Variants in THUMPD3 observed in about 807,000 individuals in gnomAD.
THUMPD3 encodes THUMP domain 3 tRNA guanosine methyltransferase, also known as tRNA (guanine(6)-N(2))-methyltransferase THUMP3.
THUMPD3 carries 44 observed loss-of-function variants against 54.5 expected under a neutral mutation model. That is an observed-to-expected ratio of 0.81 (90% confidence interval 0.63 to 1.04). THUMPD3 has a LOEUF of 1.04. THUMPD3 is among the 50% of genes least tolerant of loss of function. The pLI, the probability that THUMPD3 is intolerant of heterozygous loss-of-function variation, is 0.00. For missense variants in THUMPD3, 604 were observed against 601.3 expected (o/e 1.00, Z -0.05); for synonymous variants, 196 against 201.4 (o/e 0.97, Z 0.23).
chr3:9,371,489 C>G lies in THUMPD3; in HGVS notation c.760C>G (p.Gln254Glu). Residue 254 changes from glutamine (Q) to glutamate (E), a missense_variant, in exon 4 of 10, where the codon CAA (glutamine) becomes GAA (glutamate). Gln to Glu is a conservative substitution (Grantham distance 29). Transcript: ENST00000452837. ...TGCAAGAGATTTTGGGGGTGCTGTT[C>G]AAGATTATTTTAAGTGGAAGGCCGA... ...EAARDFGGAV[Q>E]DYFKWKADMT... The G allele has an allele frequency of 1.2e-6, 2 of 1,613,988 alleles. No individual in the cohort carries two copies. The highest frequency in any genetic ancestry group is 1.7e-6 in the Non-Finnish European group (2 of 1,179,984).
intron 8 of THUMPD3, 39 bp from the exon 9 acceptor site, chr3:9,384,173 C>T (rs766736760): frequency 2.0e-5 from 32 of 1,602,438 alleles, no homozygotes; most frequent in Middle Eastern, 3.4e-4. Context: ...TATTTTGTAT[C>T]TTTTGCAAGT....
In THUMPD3 at chr3:9,383,226, T is replaced by C; in HGVS notation, c.1152T>C (p.Asp384=). The part of the protein sequence containing the change: ...EGKPSWGLPI[D]AVQWDICNLP... ...AACCCTCCTGGGGCTTGCCCATAGA[T>C]GCTGTTCAGTGGGATATCTGCAATC... Residue 384 remains aspartate, a synonymous_variant, in exon 8 of 10, where the codon GAT becomes GAC. Transcript: ENST00000452837. 6.2e-7 allele frequency: 1 copy of C among 1,614,040 alleles called. No individual in the cohort carries two copies. Among genetic ancestry groups the C allele is most frequent in the Non-Finnish European group, 8.5e-7 (1 of 1,179,892 alleles).
rs368669023 is a variant in THUMPD3, at chr3:9,367,932, G to T, written c.330+947G>T. ...TATAAAAAATTAGCCGGGCGTAGTG[G>T]TGGGCGCCTGTAGTCCCAGCTACTC... On this transcript the variant is annotated intron_variant, in intron 3 of 9. Transcript: ENST00000452837. Among the ~76,000 whole-genome samples the T allele has an allele frequency of 3.7e-4, 57 of 152,134 alleles. No individual in the cohort carries two copies. In the East Asian group the frequency reaches 4.7e-3, roughly 12 times the overall value.
At chr3:9,368,360 ATTT>A (rs764732133) in intron 3 of THUMPD3, among the ~76,000 whole-genome samples, 43 of 116,908 alleles carry the variant, frequency 3.7e-4, no homozygotes, top group East Asian at 2.0e-3. Context: ...ACCCGCGCAT[ATTT>A]TTTTTTTTTT....
chr3:9,383,372 A>G (rs1315178565), intron 8 of THUMPD3, 63 bp downstream of exon 8: 2 of 1,307,274 alleles, frequency 1.5e-6, no homozygotes, highest in Non-Finnish European at 2.2e-6. Context: ...CGTTTATTCT[A>G]AGTCAGGAAA....
chr3:9,376,503 G>T (rs529001655), intron 5 of THUMPD3, among the ~76,000 whole-genome samples: 11 of 152,320 alleles, frequency 7.2e-5, no homozygotes, highest in African/African-American at 2.2e-4. Context: ...TGACCATCAG[G>T]AATGGCTTGG....
At position 9,380,600 on chromosome 3, in the gene THUMPD3, A is replaced by G; in HGVS notation, c.1106A>G (p.Lys369Arg). ...AANNIASLLT[K>R]SQIKEGKPSW... Reference sequence around the variant, plus strand: ...AATAACATTGCATCTTTATTGACCAAGAGCCAAATTAAAGAAGGGTAAAAA... The same window carrying G: ...AATAACATTGCATCTTTATTGACCAGGAGCCAAATTAAAGAAGGGTAAAAA... The change falls in exon 7 of 10, where the codon AAG (lysine) becomes AGG (arginine). Residue 369 changes from lysine (K) to arginine (R), a missense_variant. By Grantham distance (26) the Lys-to-Arg change is conservative. Transcript: ENST00000452837. The G allele has an allele frequency of 6.8e-6, 11 of 1,611,810 alleles. No homozygotes were observed. Among genetic ancestry groups the G allele is most frequent in the Non-Finnish European group, 9.3e-6 (11 of 1,178,646 alleles).
chr3:9,372,668 C>T (rs2032151102), intron 4 of THUMPD3, among the ~76,000 whole-genome samples: 1 of 152,076 alleles, frequency 6.6e-6, no homozygotes, highest in Non-Finnish European at 1.5e-5. Flanking sequence ...AGTCAGCTCT[C>T]CTCTTTCTTA....
chr3:9,383,189 G>C lies in THUMPD3; in HGVS notation c.1125-10G>C, dbSNP rs759375835. The C allele has an allele frequency of 3.1e-6, 5 of 1,602,818 alleles. No individual in the cohort carries two copies. In the South Asian group the frequency reaches 5.5e-5, roughly 18 times the overall value. On this transcript the variant is annotated splice_polypyrimidine_tract_variant and intron_variant, in intron 7 of 9. Transcript: ENST00000452837. ...CAGTATGTTGAAGCACCTTTCCTTT[G>C]TCCCCACAGCAAACCCTCCTGGGGC...
At chr3:9,376,380 T>C (rs748193890) in intron 5 of THUMPD3, among the ~76,000 whole-genome samples, 30 of 152,228 alleles carry the variant, frequency 2.0e-4, no homozygotes, top group Admixed American at 3.9e-4. Flanking sequence ...TCTAAATTTA[T>C]GTATTTCCAA....
chr3:9,372,894 TCTAA>T (rs1424582601), intron 4 of THUMPD3, among the ~76,000 whole-genome samples: 3 of 152,318 alleles, frequency 2.0e-5, no homozygotes, highest in Admixed American at 6.5e-5. Context: ...AGTCACTGAT[TCTAA>T]CTTTTTTGTG....
chr3:9,381,619 G>T (rs2032900098), intron 7 of THUMPD3, among the ~76,000 whole-genome samples: 1 of 146,314 alleles, frequency 6.8e-6, no homozygotes, highest in Admixed American at 6.8e-5. Context: ...ATTTATTGAG[G>T]GTTTTTTTTA....
chr3:9,381,386 A>C (rs1049970148), intron 7 of THUMPD3, among the ~76,000 whole-genome samples: 1 of 152,204 alleles, frequency 6.6e-6, no homozygotes, highest in African/African-American at 2.4e-5. Context: ...ATTAATGTAC[A>C]TGTGAATCAC....
At position 9,380,547 on chromosome 3, in the gene THUMPD3, T is replaced by C. The variant is rs148487414; in HGVS notation, c.1053T>C (p.Asn351=). The change falls in exon 7 of 10, where the codon AAT becomes AAC. Residue 351 remains asparagine (N), a synonymous_variant. Transcript: ENST00000452837. ...ACTGTTTCCATATTGCTGGTGATAA[T>C]AATCCACTGGCTGTGAATAGAGCAG... ...WSDCFHIAGD[N]NPLAVNRAAN... 95 of 1,613,802 alleles carry C rather than the reference T, an allele frequency of 5.9e-5. No homozygotes were observed. The African/African-American group carries it at 1.0e-3, about 17-fold the overall frequency.
intron 2 of THUMPD3, 29 bp from the exon 3 acceptor site, chr3:9,366,879 A>G (rs200243043): frequency 1.7e-5 from 27 of 1,585,748 alleles, no homozygotes; most frequent in Non-Finnish European, 2.1e-5. Flanking sequence ...AAGCTTTCTC[A>G]GAAATGTGTT....
At chr3:9,364,293 C>T (rs1286388226) in intron 1 of THUMPD3, among the ~76,000 whole-genome samples, 1 of 151,682 alleles carries the variant, frequency 6.6e-6, no homozygotes, top group Non-Finnish European at 1.5e-5. Flanking sequence ...AAACCTGTAT[C>T]TATCTGAAAC....
chr3:9,368,197 C>T (rs767442354), intron 3 of THUMPD3, among the ~76,000 whole-genome samples: 3 of 151,366 alleles, frequency 2.0e-5, no homozygotes, highest in Non-Finnish European at 4.4e-5. Context: ...TAGTCCCCAC[C>T]CCCCTCTTTT....
chr3:9,366,366 T>C lies in THUMPD3; in HGVS notation c.253-542T>C, dbSNP rs577197100. 2.0e-5 allele frequency among the ~76,000 whole-genome samples: 3 copies of C among 152,310 alleles called. No individual in the cohort carries two copies. The East Asian group carries it at 5.8e-4, about 29-fold the overall frequency. On this transcript the variant is annotated intron_variant, in intron 2 of 9. Coordinates refer to ENST00000452837, the MANE Select transcript of THUMPD3 (RefSeq NM_001114092.2). ...TCCCACGCTCTTAGTGTCTGGCATA[T>C]AGTAGGTACCCAGAAAATATCTGTG... is the stretch of plus-strand genomic sequence containing the variant.
Position 9,384,709 on chromosome 3 carries a change from A to G in THUMPD3, c.*21A>G. The G allele has an allele frequency of 6.2e-7, 1 of 1,612,346 alleles. No individual in the cohort carries two copies. Among genetic ancestry groups the G allele is most frequent in the Non-Finnish European group, 8.5e-7 (1 of 1,178,726 alleles). The stretch of plus-strand genomic sequence containing the variant: ...AATGAAGATGACTAATAGTACTTGT[A>G]CTTCCCACCACTGGAAATGTTAGCA... On this transcript the variant is annotated 3_prime_UTR_variant, in exon 10 of 10. Transcript: ENST00000452837.
Sources: gnomAD v4.1 joint callset for allele counts (sites outside exome capture counted in the v4.1 genomes callset) on GRCh38, gnomAD v4.1.1 for gene constraint, MANE v1.5 for transcripts, NCBI Gene and HGNC (gene_info 2026-07-23, HGNC 2026-07-21) for gene names.